MYRIP: variants seen among roughly 807,000 people sequenced by gnomAD.
MYRIP encodes the protein rab effector MyRIP.
MYRIP carries 49 observed loss-of-function variants against 98.0 expected under a neutral mutation model. The observed-to-expected ratio is 0.50, with a 90% CI of 0.40 to 0.63. MYRIP has a LOEUF of 0.63. Ranked by LOEUF, MYRIP falls within the 30% of genes least tolerant of loss-of-function variation. The pLI is 0.00. For missense variants in MYRIP, 1,004 were observed against 1,058.2 expected, an observed-to-expected ratio of 0.95 and a Z score of 0.71; for synonymous variants, 404 against 409.5, an observed-to-expected ratio of 0.99 and a Z score of 0.16.
intron 8 of MYRIP, among the ~76,000 whole-genome samples, chr3:40,172,069 C>A (rs1047058740): frequency 6.6e-6 from 1 of 152,202 alleles, no homozygotes; most frequent in Non-Finnish European, 1.5e-5. Context: ...TCTCCCACAA[C>A]GTGGGAATTA....
chr3:40,161,111 A>C (rs1950383699), intron 4 of MYRIP, among the ~76,000 whole-genome samples: 1 of 152,192 alleles, frequency 6.6e-6, no homozygotes, highest in Non-Finnish European at 1.5e-5. Context: ...TGGTCTTTTA[A>C]AAATGCTGAG....
At chr3:39,870,092 C>T (rs1942740006) in intron 1 of MYRIP, among the ~76,000 whole-genome samples, 1 of 152,042 alleles carries the variant, frequency 6.6e-6, no homozygotes, top group Admixed American at 6.6e-5. Context: ...AATGCAGTCA[C>T]ATCCAGGGCA....
upstream of MYRIP, chr3:39,808,945 A>G (rs1940562526): frequency 6.6e-6 from 1 of 152,170 alleles, no homozygotes; most frequent in Non-Finnish European, 1.5e-5. Context: ...TGTTTGGGAG[A>G]CTTGGGGGCG....
intron 2 of MYRIP, among the ~76,000 whole-genome samples, chr3:40,033,286 G>C (rs1947301343): frequency 6.6e-6 from 1 of 151,034 alleles, no homozygotes; most frequent in African/African-American, 2.4e-5. Flanking sequence ...AATTGTCCCT[G>C]TTTGCAGACG....
chr3:39,919,727 T>TGAGAGAGAGA (rs71091779), intron 2 of MYRIP, among the ~76,000 whole-genome samples: 3 of 123,482 alleles, frequency 2.4e-5, no homozygotes, highest in South Asian at 2.6e-4. Context: ...TGTGTGTGTG[T>TGAGAGAGAGA]GAGAGAGAGA....
At chr3:39,926,049 C>T (rs1270231835) in intron 2 of MYRIP, among the ~76,000 whole-genome samples, 1 of 152,082 alleles carries the variant, frequency 6.6e-6, no homozygotes, top group East Asian at 1.9e-4. Flanking sequence ...GATGGTATCT[C>T]ATAGTGGTTT....
intron 2 of MYRIP, among the ~76,000 whole-genome samples, chr3:39,911,751 G>C (rs1387104273): frequency 6.6e-6 from 1 of 152,202 alleles, no homozygotes; most frequent in East Asian, 1.9e-4. Context: ...CTGGAAATCA[G>C]AGTTTCTTCC....
rs1559528243 is a variant in MYRIP at position 39,935,830 on chromosome 3, A to G, written c.110+34904A>G. On this transcript the variant is annotated intron_variant, in intron 2 of 16. Coordinates refer to ENST00000302541, the MANE Select transcript of MYRIP (RefSeq NM_015460.4). ...AGGAGCACTTGGGAGAGAAATGGCCACTATTGCCATGTTGTAAGTATGTGT... is the reference window on the plus strand; with the variant it reads ...AGGAGCACTTGGGAGAGAAATGGCCGCTATTGCCATGTTGTAAGTATGTGT... 3.3e-5 allele frequency among the ~76,000 whole-genome samples: 5 copies of G among 152,166 alleles called. No individual in the cohort carries two copies. In the South Asian group the frequency reaches 1.0e-3, roughly 31 times the overall value.
intron 3 of MYRIP, among the ~76,000 whole-genome samples, chr3:40,065,233 C>G (rs1948101721): frequency 6.6e-6 from 1 of 152,202 alleles, no homozygotes; most frequent in South Asian, 2.1e-4. Context: ...CCCTGTGTGT[C>G]TCTGTCTTCC....
chr3:40,095,195 A>C (rs188122867), intron 3 of MYRIP, among the ~76,000 whole-genome samples: 124 of 152,134 alleles, frequency 8.2e-4, no homozygotes, highest in Admixed American at 1.4e-3. Flanking sequence ...TTTCCACTAC[A>C]ATCTCCTTTC....
chr3:40,255,874 A>G (rs1953572808), intron 16 of MYRIP, among the ~76,000 whole-genome samples: 1 of 152,236 alleles, frequency 6.6e-6, no homozygotes, highest in African/African-American at 2.4e-5. Flanking sequence ...TCCAGGCATC[A>G]ATGGACCATT....
At chr3:39,930,291 G>T (rs2125699192) in intron 2 of MYRIP, among the ~76,000 whole-genome samples, 1 of 152,038 alleles carries the variant, frequency 6.6e-6, no homozygotes, top group East Asian at 1.9e-4. Flanking sequence ...TTTCTTGATG[G>T]TTAATGATGT....
At chr3:39,870,122 G>T (rs1336981341) in intron 1 of MYRIP, among the ~76,000 whole-genome samples, 1 of 152,176 alleles carries the variant, frequency 6.6e-6, no homozygotes, top group African/African-American at 2.4e-5. Flanking sequence ...GCAGGGGCAG[G>T]GGCATAGCAG....
intron 2 of MYRIP, among the ~76,000 whole-genome samples, chr3:39,937,534 T>C (rs912369951): frequency 2.0e-5 from 3 of 152,208 alleles, no homozygotes; most frequent in Non-Finnish European, 4.4e-5. Flanking sequence ...CTGTCATCCA[T>C]CAGAGGAACT....
chr3:39,995,678 A>G (rs1425058690), intron 2 of MYRIP, among the ~76,000 whole-genome samples: 5 of 152,196 alleles, frequency 3.3e-5, no homozygotes, highest in Non-Finnish European at 5.9e-5. Context: ...TTCAGGAAAT[A>G]CAATGAATGA....
rs1215316583 is a variant in MYRIP at position 40,182,309 on chromosome 3, C to A, written c.963C>A (p.Gly321=). 2 of 1,613,836 alleles carry A rather than the reference C, an allele frequency of 1.2e-6. No individual in the cohort carries two copies. Among genetic ancestry groups the A allele is most frequent in the Non-Finnish European group, 1.7e-6 (2 of 1,179,964 alleles). Residue 321 remains glycine (G), a synonymous_variant, in exon 9 of 17, where the codon GGC becomes GGA. Transcript: ENST00000302541. ...EAPSRQPRDQ[G]QHPRAESALP... is the part of the protein sequence containing the mutation. Reference sequence around the variant, plus strand: ...CATCGAGGCAGCCAAGGGACCAAGGCCAACACCCGAGAGCAGAGTCTGCTC... The same window carrying A: ...CATCGAGGCAGCCAAGGGACCAAGGACAACACCCGAGAGCAGAGTCTGCTC...
At chr3:40,069,739 G>A (rs1451592851) in intron 3 of MYRIP, among the ~76,000 whole-genome samples, 3 of 152,204 alleles carry the variant, frequency 2.0e-5, no homozygotes, top group South Asian at 2.1e-4. Flanking sequence ...CACCAGGGAC[G>A]GGTTTTATGG....
chr3:39,871,786 T>G (rs62261652), intron 1 of MYRIP, among the ~76,000 whole-genome samples: 24,888 of 152,028 alleles, frequency 0.16, 2,115 homozygotes, highest in South Asian at 0.19. Flanking sequence ...GTAGAAATTA[T>G]GTCTGAATTA....
At chr3:40,023,986 A>G (rs1462504549) in intron 2 of MYRIP, among the ~76,000 whole-genome samples, 1 of 152,206 alleles carries the variant, frequency 6.6e-6, no homozygotes, top group Admixed American at 6.5e-5. Flanking sequence ...GTTTTCTCTA[A>G]GATTAATGTG....
Sources: allele counts gnomAD v4.1 joint callset (sites outside exome capture counted in the v4.1 genomes callset), GRCh38; gene constraint gnomAD v4.1.1; transcripts MANE v1.5; gene names NCBI Gene and HGNC (gene_info 2026-07-23, HGNC 2026-07-21).